The following PCDHGB1 variants were observed in gnomAD, a reference collection of about 807,000 sequenced individuals.
PCDHGB1 encodes protocadherin gamma subfamily B, 1.
In PCDHGB1, 34 loss-of-function variants were observed where a neutral mutation model predicts 56.6. That is an observed-to-expected ratio of 0.60 (90% CI 0.46 to 0.80). The LOEUF (loss-of-function observed/expected upper bound fraction) is 0.80. Ranked by LOEUF, PCDHGB1 falls within the 30% of genes least tolerant of loss-of-function variation. The pLI, the probability that PCDHGB1 is intolerant of heterozygous loss-of-function variation, is 0.00. For synonymous variants in PCDHGB1, 561 were observed against 505.9 expected (o/e 1.11, Z -1.46); for missense variants, 1,278 against 1,204.6 (o/e 1.06, Z -0.90).
At chr5:141,478,670 C>T (rs1413742587) in intron 1 of PCDHGB1, 28 of 1,551,664 alleles carry the variant, frequency 1.8e-5, no homozygotes, top group Non-Finnish European at 2.4e-5. Flanking sequence ...TTCACACTTT[C>T]AACTGGCCCT....
At position 141,360,421 on chromosome 5, in the gene PCDHGB1, T is replaced by C. The variant is rs372376910; in HGVS notation, c.2409+7752T>C. ...TGACAGAATAGACCGAGAACAGATA[T>C]GCGGGAAGCAGCCTCTGTGTGTTCT... On this transcript the variant is annotated intron_variant, in intron 1 of 3. Transcript: ENST00000523390. 8.1e-5 allele frequency: 131 copies of C among 1,613,968 alleles called. No homozygotes were observed. In the African/African-American group the frequency reaches 1.1e-3, roughly 14 times the overall value.
rs1196083589 is a variant in PCDHGB1, at chr5:141,486,525, A to G, written c.2410-8282A>G. On this transcript the variant is annotated intron_variant, in intron 1 of 3. Coordinates refer to ENST00000523390, the MANE Select transcript of PCDHGB1 (RefSeq NM_018922.3). This position sits in a 1 kb window ranked among gnomAD's most constrained non-coding sequence, Gnocchi z 5.0. ...CTCAATATTTCAGATGTGAATGATA[A>G]TCCACCCTCTTTCTTTCAGAGGTCA... 1 of 1,614,158 alleles carries G rather than the reference A, an allele frequency of 6.2e-7. No individual in the cohort carries two copies. Among genetic ancestry groups the G allele is most frequent in the African/African-American group, 1.3e-5 (1 of 75,054 alleles).
chr5:141,388,334 A>G (rs2091318945), intron 1 of PCDHGB1: 2 of 1,613,972 alleles, frequency 1.2e-6, no homozygotes, highest in South Asian at 1.1e-5. Flanking sequence ...AGCCTGGCAC[A>G]CGATTTATAT....
chr5:141,460,388 G>T (rs1425099375), intron 1 of PCDHGB1, among the ~76,000 whole-genome samples: 1 of 151,774 alleles, frequency 6.6e-6, no homozygotes, highest in East Asian at 1.9e-4. Context: ...TTATAATTTG[G>T]TCTATGAATC....
intron 2 of PCDHGB1, among the ~76,000 whole-genome samples, chr5:141,499,083 C>G (rs2099789346): frequency 6.6e-6 from 1 of 152,082 alleles, no homozygotes; most frequent in African/African-American, 2.4e-5. Flanking sequence ...GAAGTTCCTG[C>G]TTGGCACATG....
Position 141,390,370 on chromosome 5 carries a change from A to T in PCDHGB1, c.2409+37701A>T, listed in dbSNP as rs1252386186. On this transcript the variant is annotated intron_variant, in intron 1 of 3. Coordinates refer to ENST00000523390, the MANE Select transcript of PCDHGB1 (RefSeq NM_018922.3). ...AATATACATATTTGCAGGAAAATAT[A>T]TAATTTTTAGATGTCATGGATCATT... 4 of 1,504,066 alleles carry T rather than the reference A, an allele frequency of 2.7e-6. No individual in the cohort carries two copies. In the African/African-American group the frequency reaches 4.2e-5, roughly 16 times the overall value. The allele number at this position is 1,504,066 out of a possible 1,614,324, so 93.2% of individuals were successfully genotyped here. A position where few individuals can be genotyped will look rare whatever the true frequency, so the allele number is the denominator to read the frequency against.
chr5:141,421,834 C>A, intron 1 of PCDHGB1: 2 of 1,613,748 alleles, frequency 1.2e-6, no homozygotes. Flanking sequence ...AAGCCTGGAC[C>A]GAGAGAAAGA....
chr5:141,395,558 G>C (rs60237573), intron 1 of PCDHGB1: 1 of 127,872 alleles, frequency 7.8e-6, no homozygotes, highest in Non-Finnish European at 1.4e-5. Flanking sequence ...GTGTGTGTGT[G>C]TGTGTGTGTG....
intron 1 of PCDHGB1, among the ~76,000 whole-genome samples, chr5:141,448,434 G>A (rs2098588755): frequency 1.3e-5 from 2 of 152,052 alleles, no homozygotes; most frequent in Non-Finnish European, 2.9e-5. Context: ...TATATATTGA[G>A]AAGTCTGACT....
At position 141,476,827 on chromosome 5, in the gene PCDHGB1, G is replaced by A; in HGVS notation, c.2410-17980G>A. On this transcript the variant is annotated intron_variant, in intron 1 of 3. Transcript: ENST00000523390. The surrounding 1 kb of genome is among the most constrained non-coding windows in gnomAD (Gnocchi z 7.6). ...CTATTCACATCAAGGTGCTGGACGC[G>A]AATGACAATGCGCCTGTCTTCAACC... The A allele has an allele frequency of 1.2e-6, 2 of 1,613,542 alleles. No individual in the cohort carries two copies. Among genetic ancestry groups the A allele is most frequent in the Non-Finnish European group, 1.7e-6 (2 of 1,180,046 alleles).
intron 1 of PCDHGB1, chr5:141,403,207 C>G: frequency 6.2e-7 from 1 of 1,613,966 alleles, no homozygotes. Context: ...GCACCTTGGT[C>G]ACCGCGGGTA....
rs778198822 is a variant in PCDHGB1 at position 141,432,802 on chromosome 5, A to G, written c.2410-62005A>G. 29 of 1,613,964 alleles carry G rather than the reference A, an allele frequency of 1.8e-5. No individual in the cohort carries two copies. The African/African-American group carries it at 3.6e-4, about 20-fold the overall frequency. On this transcript the variant is annotated intron_variant, in intron 1 of 3. Coordinates refer to ENST00000523390, the MANE Select transcript of PCDHGB1 (RefSeq NM_018922.3). This position sits in a 1 kb window ranked among gnomAD's most constrained non-coding sequence, Gnocchi z 6.0. ...CGGACCTCGGCAGCCTCGAGTCTCC[A>G]GCTAACTCTGAAACCTCAGACCTCA...
At chr5:141,394,913 C>G (rs1284631853) in intron 1 of PCDHGB1, 2 of 1,613,780 alleles carry the variant, frequency 1.2e-6, no homozygotes, top group South Asian at 2.2e-5. Flanking sequence ...TGGCTGCCAT[C>G]TCCTGTGTCT....
chr5:141,408,077 G>A, intron 1 of PCDHGB1: 2 of 1,408,130 alleles, frequency 1.4e-6, no homozygotes, highest in South Asian at 3.0e-5. Context: ...ACCTTTCCCA[G>A]CACAGCGGAT....
intron 2 of PCDHGB1, among the ~76,000 whole-genome samples, chr5:141,503,780 T>G (rs779791247): frequency 7.2e-5 from 11 of 152,124 alleles, no homozygotes; most frequent in Non-Finnish European, 1.3e-4. Flanking sequence ...GTTCTTAGGC[T>G]GAGTTCATCT....
chr5:141,420,009 A>T, intron 1 of PCDHGB1: 1 of 1,614,088 alleles, frequency 6.2e-7, no homozygotes, highest in Non-Finnish European at 8.5e-7. Context: ...CGCCTGCGAC[A>T]GTCTTTCAGC....
intron 1 of PCDHGB1, among the ~76,000 whole-genome samples, chr5:141,369,043 C>A (rs187962324): frequency 6.6e-6 from 1 of 152,148 alleles, no homozygotes; most frequent in Non-Finnish European, 1.5e-5. Flanking sequence ...TTTAGAGTAA[C>A]AATACATTAT....
intron 1 of PCDHGB1, chr5:141,410,485 A>C (rs1277289074): frequency 6.2e-7 from 1 of 1,613,898 alleles, no homozygotes; most frequent in Admixed American, 1.7e-5. Context: ...ATACGGGTAC[A>C]AAAGAGTTTA....
chr5:141,372,317 C>T (rs775859797), intron 1 of PCDHGB1: 3 of 1,613,614 alleles, frequency 1.9e-6, no homozygotes, highest in East Asian at 2.2e-5. Flanking sequence ...CCCGCCAGCG[C>T]CTGCTGGTCA....
Sources: gnomAD v4.1 joint callset for allele counts (sites outside exome capture counted in the v4.1 genomes callset) on GRCh38, gnomAD v4.1.1 for gene constraint, Gnocchi (gnomAD v3.1) non-coding constraint, MANE v1.5 for transcripts, NCBI Gene and HGNC (gene_info 2026-07-23, HGNC 2026-07-21) for gene names.